PZP: variants seen among roughly 807,000 people sequenced by gnomAD.
PZP encodes pregnancy zone protein.
Under a neutral mutation model 179.8 loss-of-function variants are expected in PZP, and 150 were observed. The observed-to-expected ratio is 0.83, with a 90% CI of 0.73 to 0.96. PZP has a LOEUF of 0.96. PZP is among the 40% of genes least tolerant of loss of function. PZP has a pLI of 0.00. For missense variants in PZP, 1,689 were observed against 1,764.0 expected (o/e 0.96, Z 0.76); for synonymous variants, 624 against 652.3 (o/e 0.96, Z 0.66).
At chr12:9,171,701 G>A (rs772074001) in intron 15 of PZP, among the ~76,000 whole-genome samples, 37 of 152,176 alleles carry the variant, frequency 2.4e-4, no homozygotes, top group Middle Eastern at 3.2e-3. Context: ...GCAATCACAA[G>A]TATCAGTAGC....
rs188961131 is a variant in PZP at position 9,201,690 on chromosome 12, T to G, written c.481-343A>C. Among the ~76,000 whole-genome samples the G allele has an allele frequency of 3.6e-3, 544 of 152,214 alleles. 4 individuals are homozygous for G. Among genetic ancestry groups the G allele is most frequent in the Admixed American group, 8.0e-3 (122 of 15,292 alleles). ...ACTTTCATAAGTTGGGAAATAGATA[T>G]TAATAGAGTTATATGTCATTATGAT... On this transcript the variant is annotated intron_variant, in intron 4 of 35. Transcript: ENST00000261336.
At chr12:9,206,206 C>G (rs1944431517) in intron 1 of PZP, among the ~76,000 whole-genome samples, 1 of 151,660 alleles carries the variant, frequency 6.6e-6, no homozygotes, top group Non-Finnish European at 1.5e-5. Context: ...ACATCCCCAT[C>G]AAAAAATTTT....
At chr12:9,139,076 T>A in the PZP span, among the ~76,000 whole-genome samples, 1 of 152,130 alleles carries the variant, frequency 6.6e-6, no homozygotes, top group East Asian at 1.9e-4. Context: ...ACAGTAAACC[T>A]CCTTCTTAAT....
the PZP span, among the ~76,000 whole-genome samples, chr12:9,136,943 A>G: frequency 2.6e-5 from 4 of 152,206 alleles, no homozygotes; most frequent in African/African-American, 9.6e-5. Flanking sequence ...CTTGTCAGAC[A>G]CATGGTTTGC....
intron 23 of PZP, among the ~76,000 whole-genome samples, chr12:9,160,730 C>T (rs1271263791): frequency 3.3e-5 from 5 of 151,940 alleles, no homozygotes; most frequent in African/African-American, 7.3e-5. Flanking sequence ...CTGGTGAACA[C>T]GGTGAAACCC....
At chr12:9,196,783 T>TG in intron 8 of PZP, 98 bp from the exon 9 acceptor site, 1 of 1,079,632 alleles carries the variant, frequency 9.3e-7, no homozygotes, top group Non-Finnish European at 1.4e-6. Context: ...ACTTTTTTTT[T>TG]GCATTAAGTA....
At chr12:9,183,368 G>A (rs762164493) in intron 13 of PZP, among the ~76,000 whole-genome samples, 6 of 151,912 alleles carry the variant, frequency 3.9e-5, no homozygotes, top group Non-Finnish European at 8.8e-5. Context: ...TTATCTATAT[G>A]TGTCCCATAA....
intron 11 of PZP, 127 bp from the exon 12 acceptor site, chr12:9,192,866 T>C (rs1313859907): frequency 8.6e-6 from 5 of 580,266 alleles, no homozygotes; most frequent in Non-Finnish European, 1.5e-5. Context: ...CTCATACTGG[T>C]CGACAGCCAA....
intron 13 of PZP, 22 bp downstream of exon 13, chr12:9,192,171 A>T (rs1943493134): frequency 6.2e-7 from 1 of 1,601,600 alleles, no homozygotes. Context: ...GAGCAAGGAG[A>T]GATGAATCTG....
In PZP at chr12:9,152,324, G is replaced by A. The variant is rs765107172; in HGVS notation, c.4122-14C>T. The A allele has an allele frequency of 1.9e-6, 3 of 1,597,612 alleles. No individual in the cohort carries two copies. Among genetic ancestry groups the A allele is most frequent in the Admixed American group, 3.3e-5 (2 of 59,932 alleles). Reference sequence around the variant, plus strand: ...TTTCCTGTGTAACTGTAGTGTCAAAGGAAAAAGAATTTAGGGTTTTATACG... The same window carrying A: ...TTTCCTGTGTAACTGTAGTGTCAAAAGAAAAAGAATTTAGGGTTTTATACG... On this transcript the variant is annotated splice_polypyrimidine_tract_variant and intron_variant, in intron 31 of 35. Coordinates refer to ENST00000261336, the MANE Select transcript of PZP (RefSeq NM_002864.3).
At chr12:9,183,278 GTT>G (rs1367380197) in intron 13 of PZP, among the ~76,000 whole-genome samples, 1 of 152,130 alleles carries the variant, frequency 6.6e-6, no homozygotes, top group East Asian at 1.9e-4. Flanking sequence ...CATTTTAGCT[GTT>G]CTTGCCACAC....
Position 9,169,600 on chromosome 12 carries a change from G to T in PZP, c.1840-9C>A. On this transcript the variant is annotated splice_polypyrimidine_tract_variant and intron_variant, in intron 15 of 35. Transcript: ENST00000261336. ...GTTAGCAGATTATATACCTGTAGCA[G>T]TGGGGGGATCAAAGGCAGAACTGTT... 6.3e-7 allele frequency: 1 copy of T among 1,586,198 alleles called. No individual in the cohort carries two copies. The highest frequency in any genetic ancestry group is 8.5e-7 in the Non-Finnish European group (1 of 1,169,630).
Position 9,196,685 on chromosome 12 carries a change from G to A in PZP, c.868C>T (p.Leu290Phe). The A allele has an allele frequency of 6.3e-7, 1 of 1,596,228 alleles. No individual in the cohort carries two copies. The highest frequency in any genetic ancestry group is 8.6e-7 in the Non-Finnish European group (1 of 1,163,852). ...TGGGTGATGCAGCCATTGCTGTTAA[G>A]CTGAGAAAAATACCAAAACCAATAA... ...QEVCEEFSQQ[L>F]NSNGCITQQV... Residue 290 changes from leucine (L) to phenylalanine (F), a missense_variant and splice_region_variant, in exon 9 of 36, where the codon CTT becomes TTT. By Grantham distance (22) the Leu-to-Phe change is conservative (BLOSUM62 0). Transcript: ENST00000261336.
In PZP at chr12:9,150,684, C is replaced by T. The variant is rs781181010; in HGVS notation, c.4344G>A (p.Leu1448=). The part of the protein sequence containing the change: ...MVLQDIPVGD[L]KPAIVKVYDY... Reference sequence around the variant, plus strand: ...CATAGACTTTAACAATTGCTGGCTTCAAGTCTCCTACTGGGATGTCTTGCA... The same window carrying T: ...CATAGACTTTAACAATTGCTGGCTTTAAGTCTCCTACTGGGATGTCTTGCA... The change falls in exon 34 of 36, where the codon TTG becomes TTA. Residue 1448 remains leucine (L), a synonymous_variant. Transcript: ENST00000261336. 1 of 1,612,764 alleles carries T rather than the reference C, an allele frequency of 6.2e-7. No individual in the cohort carries two copies. Among genetic ancestry groups the T allele is most frequent in the Non-Finnish European group, 8.5e-7 (1 of 1,179,176 alleles).
intron 15 of PZP, among the ~76,000 whole-genome samples, chr12:9,180,404 A>G (rs1221681827): frequency 6.6e-6 from 1 of 152,216 alleles, no homozygotes; most frequent in Non-Finnish European, 1.5e-5. Context: ...AAACTATACT[A>G]TAAGGCTACA....
downstream of PZP, among the ~76,000 whole-genome samples, chr12:9,146,709 C>T (rs1407314191): frequency 4.6e-5 from 7 of 152,142 alleles, no homozygotes; most frequent in Admixed American, 4.6e-4. Context: ...CCTTTCTCTT[C>T]TCAGGGAGAA....
At chr12:9,198,680 A>G (rs988588406) in intron 7 of PZP, among the ~76,000 whole-genome samples, 14 of 152,208 alleles carry the variant, frequency 9.2e-5, no homozygotes, top group African/African-American at 3.4e-4. Flanking sequence ...AATGGGTAAC[A>G]GAATAATACA....
chr12:9,144,269 T>C (rs1271797100), downstream of PZP, among the ~76,000 whole-genome samples: 2 of 151,830 alleles, frequency 1.3e-5, no homozygotes, highest in East Asian at 3.9e-4. Context: ...CCACTGTGGG[T>C]GGTCAGAAGT....
intron 6 of PZP, 76 bp from the exon 7 acceptor site, chr12:9,200,524 T>C: frequency 8.4e-7 from 1 of 1,192,866 alleles, no homozygotes; most frequent in East Asian, 2.4e-5. Context: ...AGTATGTCTA[T>C]AATTTTTCCC....
Sources: allele counts gnomAD v4.1 joint callset (sites outside exome capture counted in the v4.1 genomes callset), GRCh38; gene constraint gnomAD v4.1.1; transcripts MANE v1.5; gene names NCBI Gene and HGNC (gene_info 2026-07-23, HGNC 2026-07-21).